FAT1: variants seen among roughly 807,000 people sequenced by gnomAD.
FAT1 encodes the protein FAT atypical cadherin 1.
Under a neutral mutation model 329.8 loss-of-function variants are expected in FAT1, and 171 were observed. The observed-to-expected ratio is 0.52, with a 90% CI of 0.46 to 0.59. FAT1 has a LOEUF of 0.59. FAT1 is among the 20% of genes least tolerant of loss of function. The pLI is 0.00. For synonymous variants in FAT1, 2,233 were observed against 2,228.6 expected (o/e 1.00, Z -0.06); for missense variants, 5,672 against 5,774.4 (o/e 0.98, Z 0.57).
Position 186,618,429 on chromosome 4 carries a change from TCCAATAGGCACGTC to T in FAT1, c.8143_8156del (p.Asp2715AsnfsTer11). The T allele has an allele frequency of 6.2e-7, 1 of 1,614,046 alleles. No homozygotes were observed. The highest frequency in any genetic ancestry group is 8.5e-7 in the Non-Finnish European group (1 of 1,179,900). ...CTGCTCGGATGAGATCTATCTCTGT[TCCAATAGGCACGTC>T]CTCTGACACTGTAAAGGTATAGAAA... On this transcript the variant is annotated frameshift_variant, in exon 10 of 27. Coordinates refer to ENST00000441802, the MANE Select transcript of FAT1 (RefSeq NM_005245.4). LOFTEE classifies it high-confidence loss of function.
intron 7 of FAT1, among the ~76,000 whole-genome samples, 192 bp from the exon 8 acceptor site, chr4:186,628,955 G>A (rs1431989385): frequency 2.0e-5 from 3 of 152,148 alleles, no homozygotes; most frequent in Non-Finnish European, 1.5e-5. Context: ...ATCTAAATAT[G>A]AGTAAGATAA....
chr4:186,617,324 G>C, intron 10 of FAT1, 123 bp from the exon 11 acceptor site: 1 of 731,800 alleles, frequency 1.4e-6, no homozygotes, highest in South Asian at 2.6e-5. Flanking sequence ...AGTATTAAAA[G>C]AATTAATTTG....
chr4:186,597,028 A>G lies in FAT1; in HGVS notation c.12512T>C (p.Val4171Ala). 2 of 1,614,000 alleles carry G rather than the reference A, an allele frequency of 1.2e-6. No individual in the cohort carries two copies. Among genetic ancestry groups the G allele is most frequent in the African/African-American group, 1.3e-5 (1 of 75,048 alleles). ...HCEDAAPNQY[V>A]STPWNIGLAE... ...CAACCCAATGTTCCACGGCGTGGAC[A>G]CATACTGGTTGGGCGCAGCATCCTC... Residue 4171 changes from valine to alanine, a missense_variant, in exon 25 of 27, where the codon GTG (valine) becomes GCG (alanine). Around this residue, in one of 2 missense-constraint regions of FAT1, gnomAD observed 1,706 missense variants for 1,859.1 expected, o/e 0.92. Coordinates refer to ENST00000441802, the MANE Select transcript of FAT1 (RefSeq NM_005245.4).
At chr4:186,676,723 C>A (rs1252145005) in intron 2 of FAT1, among the ~76,000 whole-genome samples, 3 of 152,192 alleles carry the variant, frequency 2.0e-5, no homozygotes, top group Non-Finnish European at 2.9e-5. Flanking sequence ...ACATTGGTCT[C>A]TGTATAAACA....
intron 11 of FAT1, 42 bp from the exon 12 acceptor site, chr4:186,614,386 C>T: frequency 7.5e-7 from 1 of 1,337,158 alleles, no homozygotes; most frequent in Non-Finnish European, 1.0e-6. Flanking sequence ...AAAGCATTAA[C>T]AGGCAGCACA....
At position 186,621,767 on chromosome 4, in the gene FAT1, C is replaced by T. The variant is rs748391719; in HGVS notation, c.4819G>A (p.Gly1607Arg). 2 of 1,559,350 alleles carry T rather than the reference C, an allele frequency of 1.3e-6. No individual in the cohort carries two copies. The highest frequency in any genetic ancestry group is 2.4e-5 in the South Asian group (2 of 83,390). ...ACAGGATCAATCATAAAAGAATTTC[C>T]AATATTTCCTGGAAGGAGAGGAAAA... ...VLYSIESGNI[G>R]NSFMIDPVLG... Residue 1607 changes from glycine (G) to arginine (R), a missense_variant, in exon 10 of 27, where the codon GGA (glycine) becomes AGA (arginine). Physicochemically the swap from Gly to Arg is moderately radical, Grantham distance 125. Around this residue, in one of 2 missense-constraint regions of FAT1, gnomAD observed 3,966 missense variants for 3,915.2 expected, o/e 1.01. Coordinates refer to ENST00000441802, the MANE Select transcript of FAT1 (RefSeq NM_005245.4).
chr4:186,663,177 T>C (rs892403893), intron 3 of FAT1, 122 bp downstream of exon 3: 6 of 869,722 alleles, frequency 6.9e-6, no homozygotes, highest in Non-Finnish European at 1.0e-5. Flanking sequence ...TTTTGAATAA[T>C]TCAAAAGGAA....
Position 186,709,314 on chromosome 4 carries a change from T to G in FAT1, c.514A>C (p.Ser172Arg), listed in dbSNP as rs1346125873. The change falls in exon 2 of 27, where the codon AGC becomes CGC. Residue 172 changes from serine to arginine, a missense_variant. This residue lies in a region of FAT1 where 3,966 missense variants were observed against 3,915.2 expected (regional missense o/e 1.01). Coordinates refer to ENST00000441802, the MANE Select transcript of FAT1 (RefSeq NM_005245.4). ...GTTCCTATGTCTGCATCCGTGGCGC[T>G]GACTCTTGCGATACTGGTCCTTATA... is the stretch of plus-strand genomic sequence containing the variant. ...TAIRTSIARV[S>R]ATDADIGTNG... The G allele has an allele frequency of 1.2e-6, 2 of 1,613,888 alleles. No individual in the cohort carries two copies. Among genetic ancestry groups the G allele is most frequent in the African/African-American group, 2.7e-5 (2 of 74,910 alleles).
Position 186,604,836 on chromosome 4 carries a change from AG to A in FAT1, c.10351-263del, listed in dbSNP as rs34556660. Among the ~76,000 whole-genome samples, 42,940 of 151,498 alleles carry A rather than the reference AG, an allele frequency of 0.28. 6,436 individuals carry two copies. The highest frequency in any genetic ancestry group is 0.34 in the African/African-American group (14,199 of 41,242). On this transcript the variant is annotated intron_variant, in intron 17 of 26. Transcript: ENST00000441802. Reference sequence around the variant, plus strand: ...GGGAGTGTGAGGAGGAAGAGGGAGGAGGGGAAGCAGACACGAGGAGGAGTGG... The same window carrying A: ...GGGAGTGTGAGGAGGAAGAGGGAGGAGGGAAGCAGACACGAGGAGGAGTGG...
rs906119807 is a variant in FAT1, at chr4:186,620,195, G to T, written c.6391C>A (p.Pro2131Thr). Residue 2131 changes from proline to threonine, a missense_variant, in exon 10 of 27, where the codon CCC becomes ACC. Pro to Thr is a conservative substitution (Grantham distance 38, BLOSUM62 -1). Transcript: ENST00000441802. ...KEHHEHFQIG[P>T]LGEISLKKQF... is the part of the protein sequence containing the mutation. The stretch of plus-strand genomic sequence containing the variant: ...TTTTTCAGTGAAATTTCACCCAAGG[G>T]TCCAATTTGAAAGTGTTCATGATGT... 6.2e-7 allele frequency: 1 copy of T among 1,613,932 alleles called. No homozygotes were observed. The highest frequency in any genetic ancestry group is 8.5e-7 in the Non-Finnish European group (1 of 1,179,896).
intron 1 of FAT1, among the ~76,000 whole-genome samples, chr4:186,713,441 G>T (rs1007168759): frequency 1.3e-5 from 2 of 150,948 alleles, no homozygotes; most frequent in Non-Finnish European, 3.0e-5. Context: ...AAATCAACAC[G>T]ATTTATCGAT....
Position 186,609,324 on chromosome 4 carries a change from G to C in FAT1, c.10069-4C>G, listed in dbSNP as rs895777106. 3 of 1,613,518 alleles carry C rather than the reference G, an allele frequency of 1.9e-6. No homozygotes were observed. The highest frequency in any genetic ancestry group is 2.5e-6 in the Non-Finnish European group (3 of 1,179,758). On this transcript the variant is annotated splice_polypyrimidine_tract_variant and splice_region_variant and intron_variant, in intron 15 of 26. Coordinates refer to ENST00000441802, the MANE Select transcript of FAT1 (RefSeq NM_005245.4). ...CATCGGCATCATCGGCCATAACCTA[G>C]AACACACCACACTCCTGTTTAGGAG...
In FAT1 at chr4:186,663,554, C is replaced by G. The variant is rs200891145; in HGVS notation, c.3325G>C (p.Val1109Leu). The G allele has an allele frequency of 1.5e-4, 250 of 1,613,284 alleles. No individual in the cohort carries two copies. The highest frequency in any genetic ancestry group is 2.0e-4 in the Non-Finnish European group (232 of 1,179,908). ...RESTSHYWLT[V>L]FATDQGVVPL... is the part of the protein sequence containing the mutation. ...ACGACACCCTGATCGGTTGCAAAGA[C>G]TGTTAGCCAATAATGGGAGGTCGAT... The change falls in exon 3 of 27, where the codon GTC (valine) becomes CTC (leucine). Residue 1109 changes from valine to leucine, a missense_variant. Transcript: ENST00000441802.
chr4:186,649,115 G>C (rs1741510169), intron 3 of FAT1, among the ~76,000 whole-genome samples: 1 of 131,790 alleles, frequency 7.6e-6, no homozygotes, highest in Non-Finnish European at 1.8e-5. Flanking sequence ...TGCAAAAAAT[G>C]CAACAAAGAA....
At chr4:186,602,264 C>T (rs981457967) in intron 20 of FAT1, among the ~76,000 whole-genome samples, 44 of 152,038 alleles carry the variant, frequency 2.9e-4, no homozygotes, top group African/African-American at 7.7e-4. Context: ...AAAATTAATA[C>T]GACTTTTTGG....
chr4:186,720,890 C>T (rs1252433891), intron 1 of FAT1, among the ~76,000 whole-genome samples: 2 of 152,226 alleles, frequency 1.3e-5, no homozygotes, highest in Admixed American at 6.5e-5. Context: ...AACATCCATC[C>T]TTCTCAAATT....
chr4:186,719,334 A>C (rs1204342350), intron 1 of FAT1, among the ~76,000 whole-genome samples: 2 of 152,194 alleles, frequency 1.3e-5, no homozygotes, highest in Admixed American at 1.3e-4. Flanking sequence ...GATCCAACCA[A>C]CCTCAGGTTG....
chr4:186,588,614 G>A lies in FAT1; in HGVS notation c.13745C>T (p.Ser4582Phe), dbSNP rs766893768. The A allele has an allele frequency of 6.2e-6, 10 of 1,612,548 alleles. No homozygotes were observed. The East Asian group carries it at 2.2e-4, about 36-fold the overall frequency. Residue 4582 changes from serine (S) to phenylalanine (F), a missense_variant, in exon 27 of 27, where the codon TCC becomes TTC. Transcript: ENST00000441802. The part of the protein sequence containing the change: ...FEEVTIPPLD[S>F]QQHTEV ...GAGTCAGACTTCCGTGTGCTGCTGG[G>A]AATCCAGGGGCGGGATCGTCACCTC... is the stretch of plus-strand genomic sequence containing the variant.
At chr4:186,666,530 A>G (rs943466401) in intron 2 of FAT1, among the ~76,000 whole-genome samples, 10 of 152,192 alleles carry the variant, frequency 6.6e-5, no homozygotes, top group African/African-American at 2.4e-4. Context: ...ATGCAATAAA[A>G]TTCACTTGAC....
Sources: gnomAD v4.1 joint callset for allele counts (sites outside exome capture counted in the v4.1 genomes callset) on GRCh38, gnomAD v4.1.1 for gene constraint, gnomAD v4.1.1 regional missense constraint, MANE v1.5 for transcripts, NCBI Gene and HGNC (gene_info 2026-07-23, HGNC 2026-07-21) for gene names.